ATP2B1: variants seen among roughly 807,000 people sequenced by gnomAD.
ATP2B1 encodes plasma membrane calcium-transporting ATPase 1.
Under a neutral mutation model 124.2 loss-of-function variants are expected in ATP2B1, and 14 were observed. The observed-to-expected ratio is 0.11, with a 90% confidence interval of 0.07 to 0.18. The LOEUF is 0.18. Among genes scored for constraint, ATP2B1 ranks in the 10% least tolerant of loss-of-function variants. The pLI is 1.00. For missense variants in ATP2B1, 763 were observed against 1,466.1 expected (o/e 0.52, Z 7.83); for synonymous variants, 449 against 492.4 (o/e 0.91, Z 1.17).
chr12:89,612,523 C>A (rs1356173183), intron 12 of ATP2B1, among the ~76,000 whole-genome samples: 1 of 151,960 alleles, frequency 6.6e-6, no homozygotes, highest in Non-Finnish European at 1.5e-5. Context: ...CCAGTGTTAA[C>A]AGAACCTGTA....
chr12:89,635,276 T>C, intron 3 of ATP2B1, 25 bp from the exon 4 acceptor site: 3 of 1,599,230 alleles, frequency 1.9e-6, no homozygotes, highest in Non-Finnish European at 2.6e-6. Flanking sequence ...AGAAAATGCT[T>C]ATCAAAAAGA....
At chr12:89,665,222 A>G (rs1461350415) in intron 1 of ATP2B1, among the ~76,000 whole-genome samples, 1 of 152,196 alleles carries the variant, frequency 6.6e-6, no homozygotes, top group Non-Finnish European at 1.5e-5. Context: ...TTTGATTTTT[A>G]GTACCAAGTA....
At chr12:89,638,884 T>C (rs1883094890) in intron 3 of ATP2B1, among the ~76,000 whole-genome samples, 1 of 152,196 alleles carries the variant, frequency 6.6e-6, no homozygotes, top group African/African-American at 2.4e-5. Context: ...TTTCCATTTT[T>C]ATTTAGAATA....
chr12:89,611,390 A>G lies in ATP2B1; in HGVS notation c.2068-18T>C. 6.7e-7 allele frequency: 1 copy of G among 1,486,300 alleles called. No homozygotes were observed. Among genetic ancestry groups the G allele is most frequent in the Non-Finnish European group, 8.9e-7 (1 of 1,118,278 alleles). 92.1% of individuals were successfully genotyped at this position (1,486,300 alleles called of 1,614,324 possible). On this transcript the variant is annotated intron_variant, in intron 12 of 20. Transcript: ENST00000428670. Reference sequence around the variant, plus strand: ...TCTGGCACCTGGTTTACATTAAAAAAAAAAATTACAAAGTTAATTTGGTAT... The same window carrying G: ...TCTGGCACCTGGTTTACATTAAAAAGAAAAATTACAAAGTTAATTTGGTAT...
chr12:89,643,065 TACACACACAC>T (rs145355576), intron 2 of ATP2B1, among the ~76,000 whole-genome samples: 39 of 143,638 alleles, frequency 2.7e-4, no homozygotes, highest in East Asian at 1.0e-3. Flanking sequence ...TAAAGATACA[TACACACACAC>T]ACACACACAC....
At chr12:89,663,077 C>T (rs1288468784) in intron 1 of ATP2B1, among the ~76,000 whole-genome samples, 3 of 152,158 alleles carry the variant, frequency 2.0e-5, no homozygotes, top group African/African-American at 7.2e-5. Context: ...ATAGTAGGTA[C>T]TCTTGAACCA....
intron 1 of ATP2B1, among the ~76,000 whole-genome samples, chr12:89,659,758 T>A (rs1886451339): frequency 1.3e-5 from 2 of 151,242 alleles, no homozygotes; most frequent in South Asian, 4.2e-4. Context: ...CCGTCTCTAC[T>A]AAAAAATACA....
At chr12:89,591,888 T>C (rs1873638950) in intron 20 of ATP2B1, among the ~76,000 whole-genome samples, 1 of 152,050 alleles carries the variant, frequency 6.6e-6, no homozygotes, top group African/African-American at 2.4e-5. Context: ...GCTATAAATA[T>C]TTGAGTATAT....
intron 3 of ATP2B1, among the ~76,000 whole-genome samples, chr12:89,636,058 A>T (rs982442886): frequency 6.6e-6 from 1 of 152,176 alleles, no homozygotes; most frequent in African/African-American, 2.4e-5. Flanking sequence ...AAAAAGAGGG[A>T]TAACTGAGGT....
At chr12:89,697,894 G>A (rs1260141790) in intron 1 of ATP2B1, among the ~76,000 whole-genome samples, 2 of 152,030 alleles carry the variant, frequency 1.3e-5, no homozygotes, top group Non-Finnish European at 2.9e-5. Flanking sequence ...CCCACCTGCC[G>A]AGATGGAGTC....
chr12:89,608,260 C>T (rs142862870), intron 15 of ATP2B1, among the ~76,000 whole-genome samples: 54 of 152,270 alleles, frequency 3.5e-4, no homozygotes, highest in African/African-American at 1.2e-3. Context: ...CCTGCGCCTC[C>T]TGGGTTCAAG....
chr12:89,613,040 T>G (rs549337972), intron 12 of ATP2B1, among the ~76,000 whole-genome samples: 2 of 151,810 alleles, frequency 1.3e-5, no homozygotes, highest in African/African-American at 4.8e-5. Context: ...AGTGCAGGGG[T>G]ATAATGTTGA....
intron 12 of ATP2B1, among the ~76,000 whole-genome samples, chr12:89,614,758 AAT>A (rs573895552): frequency 2.0e-4 from 31 of 152,156 alleles, no homozygotes; most frequent in Non-Finnish European, 3.7e-4. Flanking sequence ...ACACCTCAAC[AAT>A]GTCAAAAACA....
In ATP2B1 at chr12:89,655,797, C is replaced by T. The variant is rs745799308; in HGVS notation, c.90G>A (p.Thr30=). The change falls in exon 2 of 21, where the codon ACG becomes ACA. Residue 30 remains threonine (T), a synonymous_variant. Transcript: ENST00000428670. ...CCATGAGAGCCCGCAGCTCTGCGAG[C>T]GTAATTCCAAAGTCTCCATCATGAT... The part of the protein sequence containing the change: ...EANHDGDFGI[T]LAELRALMEL... The T allele has an allele frequency of 1.4e-5, 22 of 1,614,112 alleles. No individual in the cohort carries two copies. The highest frequency in any genetic ancestry group is 1.2e-4 in the Admixed American group (7 of 60,022).
At chr12:89,601,657 T>C (rs900233245) in intron 18 of ATP2B1, among the ~76,000 whole-genome samples, 2 of 152,150 alleles carry the variant, frequency 1.3e-5, no homozygotes, top group African/African-American at 4.8e-5. Flanking sequence ...TGAAATAAAG[T>C]AAAATCTCTG....
intron 1 of ATP2B1, among the ~76,000 whole-genome samples, chr12:89,692,926 T>C (rs1415648472): frequency 6.6e-6 from 1 of 152,198 alleles, no homozygotes. Context: ...AAAATTGGTT[T>C]CGTTACACAT....
At position 89,603,603 on chromosome 12, in the gene ATP2B1, T is replaced by A; in HGVS notation, c.2848+109A>T. 9.1e-7 allele frequency: 1 copy of A among 1,103,902 alleles called. No homozygotes were observed. Among genetic ancestry groups the A allele is most frequent in the Non-Finnish European group, 1.3e-6 (1 of 767,260 alleles). 68.4% of individuals were successfully genotyped at this position (1,103,902 alleles called of 1,614,324 possible). The stretch of plus-strand genomic sequence containing the variant: ...GAAGAAATTAAAGATAAATGGGAAG[T>A]CAGGAGTAGAATTTAGGCTCTTGAA... On this transcript the variant is annotated intron_variant, in intron 17 of 20. Transcript: ENST00000428670. This position sits in a 1 kb window ranked among gnomAD's most constrained non-coding sequence, Gnocchi z 4.3.
At chr12:89,706,986 C>T (rs1325798703) in intron 1 of ATP2B1, among the ~76,000 whole-genome samples, 1 of 150,882 alleles carries the variant, frequency 6.6e-6, no homozygotes, top group Non-Finnish European at 1.5e-5. Context: ...TAAATAAGCC[C>T]ATTTCATATA....
rs1397995195 is a variant in ATP2B1 at position 89,590,867 on chromosome 12, G to A, written c.*117C>T. ...AATAAATCTACATTCGTACAAGTGT[G>A]TCTTCTGTTGAAGTCCAAAGACAAG... On this transcript the variant is annotated 3_prime_UTR_variant, in exon 21 of 21. Coordinates refer to ENST00000428670, the MANE Select transcript of ATP2B1 (RefSeq NM_001366521.1). 10 of 974,234 alleles carry A rather than the reference G, an allele frequency of 1.0e-5. No homozygotes were observed. Among genetic ancestry groups the A allele is most frequent in the Non-Finnish European group, 1.5e-5 (10 of 656,470 alleles). The allele number at this position is 974,234 out of a possible 1,614,324, so 60.3% of individuals were successfully genotyped here.
Sources: allele counts gnomAD v4.1 joint callset (sites outside exome capture counted in the v4.1 genomes callset), GRCh38; gene constraint gnomAD v4.1.1; non-coding constraint Gnocchi (gnomAD v3.1); transcripts MANE v1.5; gene names NCBI Gene and HGNC (gene_info 2026-07-23, HGNC 2026-07-21).